CELF4: variants seen among roughly 807,000 people sequenced by gnomAD.
The protein encoded by CELF4 is CUG-BP- and ETR-3-like factor 4.
In CELF4, 18 loss-of-function variants were observed where a neutral mutation model predicts 59.9. The ratio of observed to expected loss-of-function variants is 0.30; its 90% CI spans 0.21 to 0.45. CELF4 has a LOEUF of 0.45. Among genes scored for constraint, CELF4 ranks in the 20% least tolerant of loss-of-function variants. The probability of loss-of-function intolerance (pLI) is 1.00; values close to 1 mark genes in which losing one functional copy is unlikely to be tolerated. For synonymous variants in CELF4, 261 were observed against 267.1 expected (o/e 0.98, Z 0.22); for missense variants, 456 against 689.0 (o/e 0.66, Z 3.79).
chr18:37,526,187 TC>T (rs2099963647), intron 1 of CELF4, among the ~76,000 whole-genome samples: 1 of 152,220 alleles, frequency 6.6e-6, no homozygotes, highest in Admixed American at 6.5e-5. Context: ...GATTTCCTGG[TC>T]TCAGTGTGAG....
At chr18:37,558,096 G>A (rs2099985356) in intron 1 of CELF4, among the ~76,000 whole-genome samples, 1 of 137,804 alleles carries the variant, frequency 7.3e-6, no homozygotes, top group Admixed American at 8.5e-5. Context: ...CCACCACCCA[G>A]GCTCAAGCGA....
intron 1 of CELF4, among the ~76,000 whole-genome samples, chr18:37,506,505 A>C (rs1430286064): frequency 6.6e-6 from 1 of 152,206 alleles, no homozygotes; most frequent in Non-Finnish European, 1.5e-5. Flanking sequence ...GTGACTTCTC[A>C]AGACACATTT....
intron 2 of CELF4, among the ~76,000 whole-genome samples, chr18:37,330,084 G>A (rs904247297): frequency 1.3e-5 from 2 of 152,220 alleles, no homozygotes; most frequent in Non-Finnish European, 1.5e-5. Flanking sequence ...AAAGCCTGGT[G>A]ATGCAACCAA....
chr18:37,383,884 G>C (rs1038554421), intron 2 of CELF4, among the ~76,000 whole-genome samples: 1 of 152,154 alleles, frequency 6.6e-6, no homozygotes, highest in South Asian at 2.1e-4. Flanking sequence ...GACCCTCAGC[G>C]ATTGGAAAAG....
chr18:37,362,546 C>A (rs560446710), intron 2 of CELF4, among the ~76,000 whole-genome samples: 1 of 152,258 alleles, frequency 6.6e-6, no homozygotes, highest in South Asian at 2.1e-4. Flanking sequence ...GCAGACTCTG[C>A]CGGGCTGGGC....
chr18:37,355,402 G>A (rs2098546227), intron 2 of CELF4, among the ~76,000 whole-genome samples: 1 of 152,190 alleles, frequency 6.6e-6, no homozygotes, highest in Non-Finnish European at 1.5e-5. Flanking sequence ...GCCTGGTGCA[G>A]TGGCTAACGT....
chr18:37,270,785 C>T lies in CELF4; in HGVS notation c.1082G>A (p.Gly361Asp). Reference protein sequence around the residue: ...QPAAEAVFANGIHPYPAQSPT... With the variant: ...QPAAEAVFANDIHPYPAQSPT... ...GTGCTTACCTGGGTAGGGGTGGATG[C>T]CATTGGCGAACACAGCTTCCGCAGC... Residue 361 changes from glycine (G) to aspartate (D), a missense_variant, in exon 8 of 13, where the codon GGC becomes GAC. By Grantham distance (94) the Gly-to-Asp change is moderately conservative (BLOSUM62 -1). Around this residue, in one of 7 missense-constraint regions of CELF4, gnomAD observed 256 missense variants for 340.8 expected, o/e 0.75. Transcript: ENST00000420428. 1 of 1,613,830 alleles carries T rather than the reference C, an allele frequency of 6.2e-7. No homozygotes were observed. Among genetic ancestry groups the T allele is most frequent in the Non-Finnish European group, 8.5e-7 (1 of 1,179,924 alleles).
Position 37,565,423 on chromosome 18 carries a change from G to A in CELF4, c.219C>T (p.Leu73=). 1.2e-6 allele frequency: 2 copies of A among 1,613,160 alleles called. No homozygotes were observed. Among genetic ancestry groups the A allele is most frequent in the Non-Finnish European group, 1.7e-6 (2 of 1,179,426 alleles). Residue 73 remains leucine (L), a synonymous_variant, in exon 1 of 13, where the codon CTC becomes CTT. Transcript: ENST00000420428. ...CGTAGATTTTGCCAAACTCCTCGAAGAGGGGCTTGAGGTCCTTCTCATCCA... is the reference window on the plus strand; with the variant it reads ...CGTAGATTTTGCCAAACTCCTCGAAAAGGGGCTTGAGGTCCTTCTCATCCA... The part of the protein sequence containing the change: ...RNLDEKDLKP[L]FEEFGKIYEL...
chr18:37,271,254 C>CTTTTTTTTTTT (rs34833771), intron 7 of CELF4, among the ~76,000 whole-genome samples: 126 of 105,564 alleles, frequency 1.2e-3, no homozygotes, highest in African/African-American at 1.5e-3. Context: ...TCCTTCAGTC[C>CTTTTTTTTTTT]TTTTTTTTTT....
intron 2 of CELF4, among the ~76,000 whole-genome samples, chr18:37,456,025 G>A (rs1301181025): frequency 1.3e-5 from 2 of 152,164 alleles, no homozygotes; most frequent in South Asian, 2.1e-4. Context: ...TCTGGGCCCC[G>A]TGGCTTCTGT....
chr18:37,340,907 G>A (rs181309704), intron 2 of CELF4, among the ~76,000 whole-genome samples: 3 of 152,262 alleles, frequency 2.0e-5, no homozygotes, highest in East Asian at 1.9e-4. Flanking sequence ...TCATCTATTC[G>A]ACATTGTTTC....
intron 2 of CELF4, among the ~76,000 whole-genome samples, chr18:37,469,859 G>A (rs2099816967): frequency 6.6e-6 from 1 of 152,122 alleles, no homozygotes; most frequent in Admixed American, 6.5e-5. Flanking sequence ...GTGCAGGCTG[G>A]AGCACGCAAA....
At chr18:37,563,077 A>T (rs1408942073) in intron 1 of CELF4, among the ~76,000 whole-genome samples, 2 of 150,364 alleles carry the variant, frequency 1.3e-5, no homozygotes, top group African/African-American at 4.9e-5. Context: ...CTATATATAA[A>T]ATATATGTAA....
chr18:37,476,137 G>C (rs2099848310), intron 2 of CELF4, among the ~76,000 whole-genome samples: 1 of 152,256 alleles, frequency 6.6e-6, no homozygotes, highest in Non-Finnish European at 1.5e-5. Context: ...GCAATCCACA[G>C]CATATAAAGG....
In CELF4 at chr18:37,270,338, G is replaced by A. The variant is rs78403640; in HGVS notation, c.1099+430C>T. Among the ~76,000 whole-genome samples, 479 of 152,282 alleles carry A rather than the reference G, an allele frequency of 3.1e-3. 22 individuals carry two copies. In the East Asian group the frequency reaches 0.083, roughly 26 times the overall value. ...GTCTGTACTAGACAGACTGCCAATC[G>A]TTATACCTCCCTCCACTCCTTCCCA... On this transcript the variant is annotated intron_variant, in intron 8 of 12. Transcript: ENST00000420428.
chr18:37,311,788 CAAA>C (rs36044643), intron 3 of CELF4, among the ~76,000 whole-genome samples: 4 of 100,250 alleles, frequency 4.0e-5, no homozygotes, highest in Admixed American at 1.2e-4. Flanking sequence ...GACTCCGTCT[CAAA>C]AAAAAAAAAA....
At chr18:37,312,137 A>AG (rs1569557791) in intron 3 of CELF4, among the ~76,000 whole-genome samples, 19 of 141,326 alleles carry the variant, frequency 1.3e-4, no homozygotes, top group South Asian at 2.2e-4. Flanking sequence ...AAAAGAAAAA[A>AG]AAAAAAAGAA....
intron 1 of CELF4, among the ~76,000 whole-genome samples, chr18:37,553,643 C>T (rs1260626369): frequency 6.6e-6 from 1 of 152,190 alleles, no homozygotes; most frequent in Non-Finnish European, 1.5e-5. Context: ...TTTTCTGATC[C>T]TCCTCTCTGG....
At chr18:37,336,647 C>T (rs932667564) in intron 2 of CELF4, among the ~76,000 whole-genome samples, 4 of 136,254 alleles carry the variant, frequency 2.9e-5, no homozygotes, top group Admixed American at 1.6e-4. Flanking sequence ...AGCCCACAGG[C>T]CCTGGCACAC....
Sources: gnomAD v4.1 joint callset for allele counts (sites outside exome capture counted in the v4.1 genomes callset) on GRCh38, gnomAD v4.1.1 for gene constraint, gnomAD v4.1.1 regional missense constraint, MANE v1.5 for transcripts, NCBI Gene and HGNC (gene_info 2026-07-23, HGNC 2026-07-21) for gene names.